DHRSX: variants seen among roughly 807,000 people sequenced by gnomAD.
DHRSX encodes polyprenol dehydrogenase.
A neutral mutation model predicts 34.0 loss-of-function variants in DHRSX; 31 were observed. That is an observed-to-expected ratio of 0.91 (90% CI 0.69 to 1.23). The LOEUF (loss-of-function observed/expected upper bound fraction) is 1.23. Ranked by LOEUF, DHRSX falls within the 50% of genes most tolerant of loss-of-function variation. DHRSX has a pLI of 0.00. For synonymous variants in DHRSX, 201 were observed against 183.8 expected (o/e 1.09, Z -0.76); for missense variants, 414 against 428.1 (o/e 0.97, Z 0.29).
intron 3 of DHRSX, among the ~76,000 whole-genome samples, chrX:2,381,490 C>T (rs768771498): frequency 7.9e-5 from 12 of 151,966 alleles, no homozygotes; most frequent in East Asian, 5.9e-4. Context: ...GGCATGGTGG[C>T]GCATGCCTGT....
intron 6 of DHRSX, among the ~76,000 whole-genome samples, chrX:2,232,030 TCTC>T (rs374635350): frequency 0.14 from 3,775 of 26,612 alleles, 100 homozygotes; most frequent in African/African-American, 0.29. Context: ...CCTTCTTCCT[TCTC>T]CTCCTTTTTC....
intron 1 of DHRSX, among the ~76,000 whole-genome samples, chrX:2,456,547 G>A (rs1289710803): frequency 6.6e-6 from 1 of 150,402 alleles, no homozygotes; most frequent in African/African-American, 2.5e-5. Context: ...ACAGGAGGCG[G>A]AGGTTGCAGT....
intron 1 of DHRSX, among the ~76,000 whole-genome samples, chrX:2,483,691 A>G (rs1303093360): frequency 2.0e-5 from 3 of 152,094 alleles, no homozygotes; most frequent in Non-Finnish European, 2.9e-5. Flanking sequence ...TACCTAAAGA[A>G]ACACAGAGCC....
At chrX:2,277,486 G>A (rs868255850) in intron 4 of DHRSX, among the ~76,000 whole-genome samples, 2 of 48,730 alleles carry the variant, frequency 4.1e-5, no homozygotes, top group Non-Finnish European at 1.0e-4. Context: ...AACGAGAGAG[G>A]GAGAGAGAAG....
chrX:2,500,422 G>A (rs1468143925), intron 1 of DHRSX: 5 of 169,280 alleles, frequency 3.0e-5, no homozygotes, highest in Non-Finnish European at 5.3e-5. Context: ...GCCGCCTGAT[G>A]TCTTGGGCGC....
intron 5 of DHRSX, among the ~76,000 whole-genome samples, chrX:2,255,847 G>A (rs1569480478): frequency 6.6e-6 from 1 of 151,918 alleles, no homozygotes; most frequent in Non-Finnish European, 1.5e-5. Context: ...CCACGAGGCA[G>A]AGGTTGTAGT....
At chrX:2,370,550 A>G (rs778406374) in intron 3 of DHRSX, among the ~76,000 whole-genome samples, 2 of 148,364 alleles carry the variant, frequency 1.3e-5, no homozygotes, top group African/African-American at 5.1e-5. Flanking sequence ...GAAGGTTAAG[A>G]ATTCCCCACT....
intron 3 of DHRSX, among the ~76,000 whole-genome samples, chrX:2,351,999 C>T (rs1273683645): frequency 4.6e-5 from 7 of 152,118 alleles, no homozygotes; most frequent in South Asian, 2.1e-4. Flanking sequence ...GGGTTACAGG[C>T]GTGAGTCACC....
At chrX:2,355,621 T>C (rs1337355181) in intron 3 of DHRSX, among the ~76,000 whole-genome samples, 1 of 133,640 alleles carries the variant, frequency 7.5e-6, no homozygotes, top group Non-Finnish European at 1.6e-5. Flanking sequence ...AGATAAAAAA[T>C]AATAAATTCA....
chrX:2,249,545 A>C (rs1312871351), intron 5 of DHRSX, among the ~76,000 whole-genome samples: 1 of 82,422 alleles, frequency 1.2e-5, no homozygotes, highest in African/African-American at 5.5e-5. Flanking sequence ...TTTTTTTGAG[A>C]CAGAGTCTCG....
chrX:2,453,539 G>C (rs750393882), intron 1 of DHRSX, among the ~76,000 whole-genome samples: 1 of 152,046 alleles, frequency 6.6e-6, no homozygotes, highest in East Asian at 1.9e-4. Flanking sequence ...AGGTGTGGTG[G>C]TGTGCACCTG....
chrX:2,291,534 T>C lies in DHRSX; in HGVS notation c.356A>G (p.Lys119Arg), dbSNP rs1347764644. The part of the protein sequence containing the change: ...IRQFVQKFKM[K>R]KIPLHVLINN... Reference sequence around the variant, plus strand: ...GATCAGGACATGGAGAGGAATCTTCTTCATCTTGAACTTCTGCACAAACTG... The same window carrying C: ...GATCAGGACATGGAGAGGAATCTTCCTCATCTTGAACTTCTGCACAAACTG... The change falls in exon 4 of 7, where the codon AAG becomes AGG. Residue 119 changes from lysine to arginine, a missense_variant. By Grantham distance (26) the Lys-to-Arg change is conservative (BLOSUM62 2). Transcript: ENST00000334651. 1 of 1,613,936 alleles carries C rather than the reference T, an allele frequency of 6.2e-7. No homozygotes were observed. The highest frequency in any genetic ancestry group is 8.5e-7 in the Non-Finnish European group (1 of 1,179,834).
rs762194815 is a variant in DHRSX at position 2,262,413 on chromosome X, G to A, written c.596+4327C>T. On this transcript the variant is annotated intron_variant, in intron 5 of 6. Coordinates refer to ENST00000334651, the MANE Select transcript of DHRSX (RefSeq NM_145177.3). The stretch of plus-strand genomic sequence containing the variant: ...GCACCTTATCTGTGCACACTGGCAC[G>A]CACCTCACCTGTGTACACAGGCATG... Among the ~76,000 whole-genome samples, 138 of 152,070 alleles carry A rather than the reference G, an allele frequency of 9.1e-4. 4 individuals are homozygous for A. In the South Asian group the frequency reaches 0.028, roughly 31 times the overall value.
intron 3 of DHRSX, among the ~76,000 whole-genome samples, chrX:2,407,616 T>A (rs755930673): frequency 1.3e-5 from 2 of 152,338 alleles, no homozygotes; most frequent in African/African-American, 4.8e-5. Context: ...CAAATCTTAT[T>A]CGGGAGCATT....
At chrX:2,297,689 C>T (rs1203918057) in intron 3 of DHRSX, among the ~76,000 whole-genome samples, 1 of 151,758 alleles carries the variant, frequency 6.6e-6, no homozygotes, top group African/African-American at 2.4e-5. Context: ...AAACTCCTGG[C>T]CTTGTTATCA....
At chrX:2,489,038 TG>T in intron 1 of DHRSX, 1 of 1,613,720 alleles carries the variant, frequency 6.2e-7, no homozygotes, top group Non-Finnish European at 8.5e-7. Flanking sequence ...CCACTCTTCC[TG>T]GTCCTCCACG....
rs2045207979 is a variant in DHRSX, at chrX:2,493,408, T to C, written c.109+7409A>G. Reference sequence around the variant, plus strand: ...CATTCCATTATTATTATTTGTGCTATTGGGCTGAAAGAGGTCCCAGTCCTC... The same window carrying C: ...CATTCCATTATTATTATTTGTGCTACTGGGCTGAAAGAGGTCCCAGTCCTC... On this transcript the variant is annotated intron_variant, in intron 1 of 6. Transcript: ENST00000334651. Among the ~76,000 whole-genome samples the C allele has an allele frequency of 2.6e-5, 4 of 152,002 alleles. No individual in the cohort carries two copies. In the South Asian group the frequency reaches 8.3e-4, roughly 32 times the overall value.
rs755302987 is a variant in DHRSX at position 2,354,619 on chromosome X, G to A, written c.286+54126C>T. 4.6e-5 allele frequency among the ~76,000 whole-genome samples: 7 copies of A among 152,156 alleles called. No homozygotes were observed. The South Asian group carries it at 1.2e-3, about 27-fold the overall frequency. On this transcript the variant is annotated intron_variant, in intron 3 of 6. Transcript: ENST00000334651. Reference sequence around the variant, plus strand: ...TGGGACCACAGGCACCCACCACCACGCCTGGCTAACTTTTGTATTTTTAGT... The same window carrying A: ...TGGGACCACAGGCACCCACCACCACACCTGGCTAACTTTTGTATTTTTAGT...
intron 3 of DHRSX, among the ~76,000 whole-genome samples, chrX:2,386,161 T>A (rs1223456155): frequency 3.1e-5 from 2 of 63,768 alleles, no homozygotes; most frequent in East Asian, 1.0e-3. Flanking sequence ...AATCAATTAT[T>A]TATTTATTTA....
Sources: allele counts gnomAD v4.1 joint callset (sites outside exome capture counted in the v4.1 genomes callset), GRCh38; gene constraint gnomAD v4.1.1; transcripts MANE v1.5; gene names NCBI Gene and HGNC (gene_info 2026-07-23, HGNC 2026-07-21).